Variants in STUM observed in about 807,000 individuals in gnomAD.
STUM encodes protein stum homolog.
STUM carries 8 observed loss-of-function variants against 15.3 expected under a neutral mutation model. The ratio of observed to expected loss-of-function variants is 0.52; its 90% confidence interval spans 0.31 to 0.94. The LOEUF (loss-of-function observed/expected upper bound fraction) is 0.94, where lower values mean the gene tolerates loss of function less well. Among genes scored for constraint, STUM ranks in the 40% least tolerant of loss-of-function variants. The pLI, the probability that STUM is intolerant of heterozygous loss-of-function variation, is 0.05. For missense variants in STUM, 142 were observed against 204.9 expected, an observed-to-expected ratio of 0.69 and a Z score of 1.87; for synonymous variants, 78 against 88.7, an observed-to-expected ratio of 0.88 and a Z score of 0.68.
intron 1 of STUM, among the ~76,000 whole-genome samples, chr1:226,560,112 C>G (rs1667516836): frequency 6.6e-6 from 1 of 152,218 alleles, no homozygotes; most frequent in South Asian, 2.1e-4. Context: ...ACACTCCAGC[C>G]TAGGTGACAG....
rs1035933380 is a variant in STUM, at chr1:226,552,583, C to T, written c.202+3477C>T. 3.3e-5 allele frequency among the ~76,000 whole-genome samples: 5 copies of T among 152,112 alleles called. No homozygotes were observed. Among genetic ancestry groups the T allele is most frequent in the Admixed American group, 1.3e-4 (2 of 15,276 alleles). On this transcript the variant is annotated intron_variant, in intron 1 of 3. Transcript: ENST00000366788. The surrounding 1 kb of genome is among the most constrained non-coding windows in gnomAD (Gnocchi z 4.7). The stretch of plus-strand genomic sequence containing the variant: ...CGAAAATGTTGATATCTCAGTGACA[C>T]GGAAAGTCGAAGGGAGGAGGACCTC...
chr1:226,603,876 C>T lies in STUM; in HGVS notation c.*1836C>T, dbSNP rs1044151904. The stretch of plus-strand genomic sequence containing the variant: ...CTTCTTCTCTCCTGTTTGGAAGCCT[C>T]TGTATCTTCAAGGTGTGGGAACAGA... On this transcript the variant is annotated 3_prime_UTR_variant, in exon 4 of 4. Coordinates refer to ENST00000366788, the MANE Select transcript of STUM (RefSeq NM_001003665.4). 1.3e-5 allele frequency: 2 copies of T among 152,446 alleles called. No individual in the cohort carries two copies. Among genetic ancestry groups the T allele is most frequent in the Admixed American group, 6.5e-5 (1 of 15,280 alleles). The allele number at this position is 152,446 out of a possible 1,614,324, so 9.4% of individuals were successfully genotyped here.
At position 226,600,775 on chromosome 1, in the gene STUM, C is replaced by A; in HGVS notation, c.391+101C>A. 7.8e-7 allele frequency: 1 copy of A among 1,289,570 alleles called. No homozygotes were observed. The highest frequency in any genetic ancestry group is 1.1e-6 in the Non-Finnish European group (1 of 896,946). The allele number at this position is 1,289,570 out of a possible 1,614,324, so 79.9% of individuals were successfully genotyped here. On this transcript the variant is annotated intron_variant, in intron 3 of 3. Coordinates refer to ENST00000366788, the MANE Select transcript of STUM (RefSeq NM_001003665.4). This position sits in a 1 kb window ranked among gnomAD's most constrained non-coding sequence, Gnocchi z 5.2. ...CACACAAACACCCCACCCACTCTCC[C>A]AGTGGGTCAATGGGCTTTTATGTTT... is the stretch of plus-strand genomic sequence containing the variant.
intron 1 of STUM, among the ~76,000 whole-genome samples, chr1:226,576,151 G>A (rs1003734650): frequency 1.3e-5 from 2 of 152,238 alleles, no homozygotes; most frequent in African/African-American, 2.4e-5. Flanking sequence ...TCTTCCGGCC[G>A]CTCCCTGGCA....
At chr1:226,590,622 A>G (rs1571810575) in intron 1 of STUM, among the ~76,000 whole-genome samples, 1 of 152,080 alleles carries the variant, frequency 6.6e-6, no homozygotes, top group Non-Finnish European at 1.5e-5. Flanking sequence ...ACACCTCTAG[A>G]GTCCTTGTCT....
In STUM at chr1:226,607,416, C is replaced by T. The variant is rs1668380512; in HGVS notation, c.*5376C>T. 1 of 152,226 alleles carries T rather than the reference C, an allele frequency of 6.6e-6. No individual in the cohort carries two copies. The highest frequency in any genetic ancestry group is 2.4e-5 in the African/African-American group (1 of 41,454). 9.4% of individuals were successfully genotyped at this position (152,226 alleles called of 1,614,324 possible). ...AGTGCTGTTATGACTGCCGGCGTCT[C>T]TCCGACTGCCTCTCGCCTCAGTTTA... On this transcript the variant is annotated 3_prime_UTR_variant, in exon 4 of 4. Coordinates refer to ENST00000366788, the MANE Select transcript of STUM (RefSeq NM_001003665.4).
chr1:226,604,267 C>T lies in STUM; in HGVS notation c.*2227C>T, dbSNP rs773922420. On this transcript the variant is annotated 3_prime_UTR_variant, in exon 4 of 4. Transcript: ENST00000366788. The surrounding 1 kb of genome is among the most constrained non-coding windows in gnomAD (Gnocchi z 4.7). ...TGACACAATCCAGATGCAGGTGGGA[C>T]TTTCTTGAGTGGCAGGTGTCACCCT... 6.6e-6 allele frequency: 1 copy of T among 152,208 alleles called. No homozygotes were observed. Among genetic ancestry groups the T allele is most frequent in the Non-Finnish European group, 1.5e-5 (1 of 68,070 alleles). The allele number at this position is 152,208 out of a possible 1,614,324, so 9.4% of individuals were successfully genotyped here.
intron 2 of STUM, among the ~76,000 whole-genome samples, 170 bp downstream of exon 2, chr1:226,597,151 G>T (rs1378305610): frequency 1.3e-5 from 2 of 152,206 alleles, no homozygotes; most frequent in Non-Finnish European, 2.9e-5. Context: ...TGGCACTGGG[G>T]ACCCTCCCCG....
chr1:226,596,172 C>G (rs1227704651), intron 1 of STUM, among the ~76,000 whole-genome samples: 1 of 152,182 alleles, frequency 6.6e-6, no homozygotes, highest in Non-Finnish European at 1.5e-5. Flanking sequence ...CTCCCTGTCC[C>G]TCCCCTTACA....
chr1:226,585,685 T>C (rs1254914559), intron 1 of STUM, among the ~76,000 whole-genome samples: 1 of 152,194 alleles, frequency 6.6e-6, no homozygotes, highest in Non-Finnish European at 1.5e-5. Flanking sequence ...CTGTGGGTTA[T>C]TTGCCTCTCT....
chr1:226,591,599 G>A (rs1343222393), intron 1 of STUM, among the ~76,000 whole-genome samples: 2 of 152,150 alleles, frequency 1.3e-5, no homozygotes, highest in Non-Finnish European at 2.9e-5. Flanking sequence ...CAGGTACTCA[G>A]CCCACTGGCC....
intron 1 of STUM, among the ~76,000 whole-genome samples, chr1:226,595,027 C>T (rs1316690771): frequency 1.3e-5 from 2 of 152,190 alleles, no homozygotes; most frequent in Non-Finnish European, 2.9e-5. Flanking sequence ...GATAGGTTGA[C>T]TGCGAGCTGC....
intron 1 of STUM, among the ~76,000 whole-genome samples, chr1:226,579,060 T>C (rs1667870337): frequency 6.6e-6 from 1 of 152,226 alleles, no homozygotes; most frequent in South Asian, 2.1e-4. Context: ...AGGTTCATGA[T>C]GCACTTGACC....
intron 1 of STUM, among the ~76,000 whole-genome samples, chr1:226,553,192 G>C (rs971908379): frequency 1.3e-5 from 2 of 152,202 alleles, no homozygotes; most frequent in Non-Finnish European, 2.9e-5. Context: ...GGATGAAATT[G>C]TTCAACAGAA....
At chr1:226,582,587 TG>T (rs1245781391) in intron 1 of STUM, among the ~76,000 whole-genome samples, 2 of 103,844 alleles carry the variant, frequency 1.9e-5, no homozygotes, top group East Asian at 5.4e-4. Flanking sequence ...AAGAGCAACA[TG>T]CCATCTCAAA....
chr1:226,564,501 A>G (rs1178680068), intron 1 of STUM, among the ~76,000 whole-genome samples: 1 of 152,110 alleles, frequency 6.6e-6, no homozygotes, highest in Non-Finnish European at 1.5e-5. Flanking sequence ...GCATCTGAAG[A>G]CAGTCAGCAA....
chr1:226,589,622 T>G (rs1436589083), intron 1 of STUM, among the ~76,000 whole-genome samples: 1 of 152,200 alleles, frequency 6.6e-6, no homozygotes, highest in East Asian at 1.9e-4. Context: ...TGTCTGTGCC[T>G]AAGTCCCAGG....
intron 1 of STUM, among the ~76,000 whole-genome samples, chr1:226,576,582 G>A (rs60520072): frequency 0.034 from 5,120 of 152,214 alleles, 96 homozygotes; most frequent in South Asian, 0.062. Context: ...TGTGCATAAC[G>A]TAATATTTAC....
At position 226,600,659 on chromosome 1, in the gene STUM, G is replaced by C; in HGVS notation, c.383-7G>C. The stretch of plus-strand genomic sequence containing the variant: ...CTCCTGCTGCCTCCCACTCTGTGCT[G>C]CTGCAGTTTCCCAAGGTGAGTCTGC... On this transcript the variant is annotated splice_polypyrimidine_tract_variant and splice_region_variant and intron_variant, in intron 2 of 3. Transcript: ENST00000366788. The surrounding 1 kb of genome is among the most constrained non-coding windows in gnomAD (Gnocchi z 5.2). 2 of 1,611,044 alleles carry C rather than the reference G, an allele frequency of 1.2e-6. No individual in the cohort carries two copies. The highest frequency in any genetic ancestry group is 1.7e-6 in the Non-Finnish European group (2 of 1,179,992).
Sources: gnomAD v4.1 joint callset for allele counts (sites outside exome capture counted in the v4.1 genomes callset) on GRCh38, gnomAD v4.1.1 for gene constraint, Gnocchi (gnomAD v3.1) non-coding constraint, MANE v1.5 for transcripts, NCBI Gene and HGNC (gene_info 2026-07-23, HGNC 2026-07-21) for gene names.